RGS6: variants seen among roughly 807,000 people sequenced by gnomAD.
The protein encoded by RGS6 is regulator of G-protein signaling 6.
A neutral mutation model predicts 78.5 loss-of-function variants in RGS6; 30 were observed. The ratio of observed to expected loss-of-function variants is 0.38; its 90% CI spans 0.29 to 0.52. The LOEUF is 0.52. RGS6 is among the 20% of genes least tolerant of loss of function. The probability of loss-of-function intolerance (pLI) is 0.85; values close to 1 mark genes in which losing one functional copy is unlikely to be tolerated. For synonymous variants in RGS6, 206 were observed against 206.0 expected (o/e 1.00, Z 0.00); for missense variants, 495 against 609.7 (o/e 0.81, Z 1.98).
At chr14:72,475,830 G>GCACACACACACACACACA (rs1555424335) in intron 10 of RGS6, among the ~76,000 whole-genome samples, 1 of 145,606 alleles carries the variant, frequency 6.9e-6, no homozygotes, top group Non-Finnish European at 1.5e-5. Context: ...AAAAATACAC[G>GCACACACACACACACACA]CACACACACA....
chr14:72,319,810 G>A (rs930667963), intron 2 of RGS6, among the ~76,000 whole-genome samples: 2 of 152,288 alleles, frequency 1.3e-5, no homozygotes, highest in South Asian at 4.1e-4. Context: ...GTATATTTGG[G>A]TGACGAGGAA....
chr14:72,287,664 G>T (rs143475839), intron 2 of RGS6, among the ~76,000 whole-genome samples: 1 of 152,128 alleles, frequency 6.6e-6, no homozygotes, highest in Non-Finnish European at 1.5e-5. Context: ...CACCATGTTG[G>T]CCAGGCTGGT....
intron 2 of RGS6, among the ~76,000 whole-genome samples, chr14:72,242,844 T>TTTC (rs1336958475): frequency 7.0e-5 from 5 of 71,920 alleles, no homozygotes; most frequent in African/African-American, 2.0e-4. Context: ...CTTTTCTTTT[T>TTTC]TTTTTTTTTT....
chr14:72,327,366 GAAATTAC>G (rs2074036699), intron 2 of RGS6, among the ~76,000 whole-genome samples: 1 of 152,104 alleles, frequency 6.6e-6, no homozygotes, highest in Non-Finnish European at 1.5e-5. Flanking sequence ...AAAGTACCTG[GAAATTAC>G]ATGTAATTGC....
chr14:72,464,244 G>T (rs769035276), intron 6 of RGS6, among the ~76,000 whole-genome samples: 2 of 152,102 alleles, frequency 1.3e-5, no homozygotes, highest in Non-Finnish European at 2.9e-5. Flanking sequence ...TCATTAAATT[G>T]TTCCAAACCA....
chr14:72,620,483 C>A, the RGS6 span, among the ~76,000 whole-genome samples: 1 of 152,214 alleles, frequency 6.6e-6, no homozygotes, highest in Non-Finnish European at 1.5e-5. Flanking sequence ...TAGAAAAATG[C>A]AAGTAGCGCC....
chr14:71,867,421 C>A, the RGS6 span, among the ~76,000 whole-genome samples: 3 of 133,014 alleles, frequency 2.3e-5, no homozygotes, highest in Admixed American at 2.2e-4. Context: ...CTTGCAGCCC[C>A]TCCTAGTCTC....
intron 14 of RGS6, chr14:72,514,193 T>G (rs747159419): frequency 6.6e-6 from 1 of 152,206 alleles, no homozygotes; most frequent in South Asian, 2.1e-4. Context: ...CACCGGGAAC[T>G]AAACCAAGTT....
intron 2 of RGS6, among the ~76,000 whole-genome samples, chr14:72,350,121 T>C (rs1269602793): frequency 1.3e-5 from 2 of 152,238 alleles, no homozygotes; most frequent in Non-Finnish European, 2.9e-5. Context: ...AGTTTTCATC[T>C]AACAGAATGC....
intron 2 of RGS6, among the ~76,000 whole-genome samples, chr14:72,199,051 G>A (rs1322104056): frequency 6.6e-6 from 1 of 152,192 alleles, no homozygotes; most frequent in African/African-American, 2.4e-5. Context: ...AACAGTGAAT[G>A]TACAATTTCA....
intron 1 of RGS6, among the ~76,000 whole-genome samples, chr14:71,951,112 G>C (rs1477592179): frequency 6.6e-6 from 1 of 152,104 alleles, no homozygotes; most frequent in African/African-American, 2.4e-5. Context: ...GCATGTATGT[G>C]TTCATTGCAG....
chr14:72,403,330 A>C (rs1242459852), intron 3 of RGS6, among the ~76,000 whole-genome samples: 1 of 152,256 alleles, frequency 6.6e-6, no homozygotes, highest in African/African-American at 2.4e-5. Context: ...ACATTACGTT[A>C]AGTGAAGTAA....
intron 2 of RGS6, among the ~76,000 whole-genome samples, chr14:72,173,601 C>T (rs1567378117): frequency 6.6e-6 from 1 of 152,146 alleles, no homozygotes; most frequent in African/African-American, 2.4e-5. Context: ...ACATTTCTTC[C>T]GTCCCTCTCC....
chr14:71,871,068 T>C, the RGS6 span, among the ~76,000 whole-genome samples: 1 of 152,160 alleles, frequency 6.6e-6, no homozygotes, highest in African/African-American at 2.4e-5. Context: ...CCAGCTGACT[T>C]GTGGCACAGA....
intron 2 of RGS6, among the ~76,000 whole-genome samples, chr14:72,288,463 G>T (rs538773793): frequency 3.3e-5 from 5 of 152,342 alleles, no homozygotes; most frequent in African/African-American, 1.2e-4. Flanking sequence ...CCCACAGGTA[G>T]CAGGGAAGAA....
Position 72,458,341 on chromosome 14 carries a change from C to A in RGS6, c.306C>A (p.Leu102=), listed in dbSNP as rs1232789279. The change falls in exon 5 of 18, where the codon CTC becomes CTA. Residue 102 remains leucine (L), a synonymous_variant. Coordinates refer to ENST00000553525, the MANE Select transcript of RGS6 (RefSeq NM_001204424.2). ...GYIFPISDHV[L]TMKDDGTFYR... Reference sequence around the variant, plus strand: ...TCTTTCCAATCTCAGACCATGTTCTCACCATGAAGGATGATGGCACCTTTT... The same window carrying A: ...TCTTTCCAATCTCAGACCATGTTCTAACCATGAAGGATGATGGCACCTTTT... The A allele has an allele frequency of 1.2e-6, 2 of 1,614,190 alleles. No homozygotes were observed. Among genetic ancestry groups the A allele is most frequent in the Non-Finnish European group, 1.7e-6 (2 of 1,180,010 alleles).
chr14:72,038,260 C>A (rs2091987849), intron 2 of RGS6, among the ~76,000 whole-genome samples: 2 of 152,224 alleles, frequency 1.3e-5, no homozygotes, highest in East Asian at 3.9e-4. Flanking sequence ...CTGAGCCACT[C>A]CCGGCCAACC....
intron 7 of RGS6, among the ~76,000 whole-genome samples, chr14:72,469,183 A>G (rs2096007460): frequency 6.7e-6 from 1 of 150,374 alleles, no homozygotes; most frequent in Admixed American, 6.6e-5. Context: ...GAACATCACA[A>G]ACGTAGACAC....
intron 2 of RGS6, among the ~76,000 whole-genome samples, chr14:72,077,725 C>G (rs986678700): frequency 1.1e-4 from 17 of 152,226 alleles, no homozygotes; most frequent in Non-Finnish European, 1.0e-4. Context: ...TTTTGCTAAA[C>G]AAATTTTCAG....
Sources: allele counts gnomAD v4.1 joint callset (sites outside exome capture counted in the v4.1 genomes callset), GRCh38; gene constraint gnomAD v4.1.1; transcripts MANE v1.5; gene names NCBI Gene and HGNC (gene_info 2026-07-23, HGNC 2026-07-21).